DAPL1: variants seen among roughly 807,000 people sequenced by gnomAD.
DAPL1 encodes the protein death associated protein like 1.
DAPL1 carries 17 observed loss-of-function variants against 12.9 expected under a neutral mutation model. The observed-to-expected ratio is 1.32, with a 90% confidence interval of 0.90 to 1.98. The LOEUF (loss-of-function observed/expected upper bound fraction) is 1.98. DAPL1 is among the 30% of genes most tolerant of loss of function. The pLI is 0.00. For synonymous variants in DAPL1, 51 were observed against 42.0 expected, an observed-to-expected ratio of 1.21 and a Z score of -0.82; for missense variants, 157 against 125.7, an observed-to-expected ratio of 1.25 and a Z score of -1.19.
In DAPL1 at chr2:158,815,644, T is replaced by C. The variant is rs1202236998; in HGVS notation, c.208-61T>C. 5 of 1,032,654 alleles carry C rather than the reference T, an allele frequency of 4.8e-6. No individual in the cohort carries two copies. The South Asian group carries it at 5.1e-5, about 11-fold the overall frequency. 64.0% of individuals were successfully genotyped at this position (1,032,654 alleles called of 1,614,324 possible). On this transcript the variant is annotated intron_variant, in intron 3 of 3. Transcript: ENST00000309950. ...ATCAACGATATCACTTTCTACTAGT[T>C]TAATATTTCATGACCAAGAAGATCC...
chr2:158,804,601 TCTC>T (rs2059190162), intron 2 of DAPL1, among the ~76,000 whole-genome samples: 1 of 152,130 alleles, frequency 6.6e-6, no homozygotes. Context: ...CCCCACCCAT[TCTC>T]CTCCTGTCTG....
chr2:158,809,354 T>A (rs1024415794), intron 3 of DAPL1, among the ~76,000 whole-genome samples: 6 of 2,182 alleles, frequency 2.7e-3, no homozygotes, highest in East Asian at 4.8e-3. Context: ...CGAGACTCCA[T>A]CTCAAAAAAA....
At position 158,804,323 on chromosome 2, in the gene DAPL1, G is replaced by T; in HGVS notation, c.100G>T (p.Gly34Cys). ...GMRISKKQEI[G>C]TLERHTKKTG... is the part of the protein sequence containing the mutation. ...GAGAATTTCCAAAAAACAAGAAATT[G>T]GCACCTTGGAAAGACATACCAAAAA... Residue 34 changes from glycine (G) to cysteine (C), a missense_variant, in exon 2 of 4, where the codon GGC (glycine) becomes TGC (cysteine). By Grantham distance (159) the Gly-to-Cys change is radical. Transcript: ENST00000309950. 1 of 1,611,622 alleles carries T rather than the reference G, an allele frequency of 6.2e-7. No homozygotes were observed. The highest frequency in any genetic ancestry group is 8.5e-7 in the Non-Finnish European group (1 of 1,178,746).
At chr2:158,810,835 G>A (rs1016567389) in intron 3 of DAPL1, among the ~76,000 whole-genome samples, 8 of 152,178 alleles carry the variant, frequency 5.3e-5, no homozygotes, top group Non-Finnish European at 1.0e-4. Flanking sequence ...AAGCTCTTTA[G>A]GCTAGAAATC....
intron 1 of DAPL1, among the ~76,000 whole-genome samples, chr2:158,803,917 T>C (rs1391698554): frequency 6.6e-6 from 1 of 152,154 alleles, no homozygotes. Flanking sequence ...GAGGGTCACG[T>C]TGTAATTGTC....
intron 1 of DAPL1, among the ~76,000 whole-genome samples, chr2:158,803,185 T>G (rs984808331): frequency 6.6e-6 from 1 of 152,216 alleles, no homozygotes; most frequent in African/African-American, 2.4e-5. Context: ...CTTATAACAT[T>G]AGCAGTATCT....
At chr2:158,803,631 C>A (rs1329039268) in intron 1 of DAPL1, among the ~76,000 whole-genome samples, 3 of 152,234 alleles carry the variant, frequency 2.0e-5, no homozygotes, top group African/African-American at 7.2e-5. Context: ...GTTAGGTCAT[C>A]TGTAGCCTAA....
At chr2:158,805,371 A>G (rs890814847) in intron 2 of DAPL1, among the ~76,000 whole-genome samples, 1 of 152,176 alleles carries the variant, frequency 6.6e-6, no homozygotes, top group African/African-American at 2.4e-5. Context: ...TCACATGACA[A>G]AAGGGAAGCT....
At chr2:158,795,490 C>G in intron 1 of DAPL1, 60 bp downstream of exon 1, 1 of 1,496,148 alleles carries the variant, frequency 6.7e-7, no homozygotes, top group African/African-American at 1.4e-5. Context: ...TCCACCAATG[C>G]CTTCCATGGA....
Position 158,806,235 on chromosome 2 carries a change from GA to G in DAPL1, c.147-809del, listed in dbSNP as rs34266428. Among the ~76,000 whole-genome samples the G allele has an allele frequency of 5.2e-3, 729 of 140,702 alleles. 63 individuals carry two copies. The highest frequency in any genetic ancestry group is 5.8e-3 in the Non-Finnish European group (369 of 63,532). The allele number at this position is 140,702 out of a possible 152,430, so 92.3% of individuals were successfully genotyped here. A position where few individuals can be genotyped will look rare whatever the true frequency, so the allele number is the denominator to read the frequency against. On this transcript the variant is annotated intron_variant, in intron 2 of 3. Coordinates refer to ENST00000309950, the MANE Select transcript of DAPL1 (RefSeq NM_001017920.3). ...TCTACAAACCAACACAAACCATCCA[GA>G]AAAAAAAAAATATGCCAAGTGCAGA...
intron 1 of DAPL1, among the ~76,000 whole-genome samples, chr2:158,800,871 A>C (rs1233046403): frequency 6.6e-6 from 1 of 151,790 alleles, no homozygotes; most frequent in African/African-American, 2.4e-5. Context: ...ACAGAATCTC[A>C]CTCTGTCACC....
intron 1 of DAPL1, among the ~76,000 whole-genome samples, chr2:158,799,700 G>C (rs962924529): frequency 1.3e-5 from 2 of 152,076 alleles, no homozygotes; most frequent in Non-Finnish European, 2.9e-5. Flanking sequence ...TCAGCTACCA[G>C]AACAAGTTTG....
chr2:158,815,923 A>T lies in DAPL1; in HGVS notation c.*102A>T. 1 of 810,568 alleles carries T rather than the reference A, an allele frequency of 1.2e-6. No homozygotes were observed. The highest frequency in any genetic ancestry group is 2.1e-6 in the Non-Finnish European group (1 of 471,028). The allele number at this position is 810,568 out of a possible 1,614,324, so 50.2% of individuals were successfully genotyped here. On this transcript the variant is annotated 3_prime_UTR_variant, in exon 4 of 4. Coordinates refer to ENST00000309950, the MANE Select transcript of DAPL1 (RefSeq NM_001017920.3). ...CATAGGCGTGCTGCACTTGCTTGGT[A>T]AATTAAGCAGCTTTTGTATCTTCCC...
In DAPL1 at chr2:158,815,863, T is replaced by C; in HGVS notation, c.*42T>C. On this transcript the variant is annotated 3_prime_UTR_variant, in exon 4 of 4. Coordinates refer to ENST00000309950, the MANE Select transcript of DAPL1 (RefSeq NM_001017920.3). ...CAGCCGTCTGGCCAGCTGCCTCGAA[T>C]ATCTGACAGCTTAGCAAAAAGGGCC... 1.4e-6 allele frequency: 2 copies of C among 1,423,768 alleles called. No individual in the cohort carries two copies. Among genetic ancestry groups the C allele is most frequent in the South Asian group, 1.1e-5 (1 of 87,128 alleles). The allele number at this position is 1,423,768 out of a possible 1,614,324, so 88.2% of individuals were successfully genotyped here.
At position 158,815,956 on chromosome 2, in the gene DAPL1, T is replaced by C; in HGVS notation, c.*135T>C. On this transcript the variant is annotated 3_prime_UTR_variant, in exon 4 of 4. Coordinates refer to ENST00000309950, the MANE Select transcript of DAPL1 (RefSeq NM_001017920.3). ...CAGCTTTTGTATCTTCCCCTTTGAC[T>C]TTAGGTAATAAAGCATCCAAACTTG... 3.0e-6 allele frequency: 2 copies of C among 662,242 alleles called. No individual in the cohort carries two copies. The highest frequency in any genetic ancestry group is 5.4e-6 in the Non-Finnish European group (2 of 371,262). The allele number at this position is 662,242 out of a possible 1,614,324, so 41.0% of individuals were successfully genotyped here. A position where few individuals can be genotyped will look rare whatever the true frequency, so the allele number is the denominator to read the frequency against.
intron 2 of DAPL1, among the ~76,000 whole-genome samples, chr2:158,805,178 A>G (rs895415204): frequency 3.9e-5 from 6 of 152,244 alleles, no homozygotes; most frequent in African/African-American, 1.4e-4. Flanking sequence ...GAGAATGGAA[A>G]TAGACTGTGG....
intron 2 of DAPL1, among the ~76,000 whole-genome samples, chr2:158,806,847 AAATAAT>A (rs34097395): frequency 2.0e-4 from 29 of 145,398 alleles, no homozygotes; most frequent in African/African-American, 3.8e-4. Context: ...AGAAAAAAAA[AAATAAT>A]AATAATAATA....
intron 3 of DAPL1, among the ~76,000 whole-genome samples, chr2:158,811,083 T>G (rs572936240): frequency 6.6e-6 from 1 of 152,260 alleles, no homozygotes; most frequent in African/African-American, 2.4e-5. Context: ...AGTTAAAACA[T>G]CCATAATGGG....
In DAPL1 at chr2:158,796,266, C is replaced by T. The variant is rs1247732874; in HGVS notation, c.58+836C>T. Among the ~76,000 whole-genome samples the T allele has an allele frequency of 1.3e-5, 2 of 152,128 alleles. 1 individual carries two copies. Among genetic ancestry groups the T allele is most frequent in the Non-Finnish European group, 2.9e-5 (2 of 68,018 alleles). The stretch of plus-strand genomic sequence containing the variant: ...TCTTGCCTTTCTCCATTTACAAAAA[C>T]ATATTTACTGTCTAATTCTCTGGCA... On this transcript the variant is annotated intron_variant, in intron 1 of 3. Transcript: ENST00000309950.
Sources: gnomAD v4.1 joint callset for allele counts (sites outside exome capture counted in the v4.1 genomes callset) on GRCh38, gnomAD v4.1.1 for gene constraint, MANE v1.5 for transcripts, NCBI Gene and HGNC (gene_info 2026-07-23, HGNC 2026-07-21) for gene names.